The following KLHL29 variants were observed in gnomAD, a reference collection of about 807,000 sequenced individuals.
KLHL29 encodes kelch like family member 29.
In KLHL29, 21 loss-of-function variants were observed where a neutral mutation model predicts 80.4. The ratio of observed to expected loss-of-function variants is 0.26; its 90% CI spans 0.19 to 0.38. The LOEUF is 0.38. Among genes scored for constraint, KLHL29 ranks in the 10% least tolerant of loss-of-function variants. KLHL29 has a pLI of 1.00. For missense variants in KLHL29, 867 were observed against 1,223.9 expected (o/e 0.71, Z 4.35); for synonymous variants, 511 against 526.8 (o/e 0.97, Z 0.41).
intron 1 of KLHL29, among the ~76,000 whole-genome samples, chr2:23,423,444 C>A (rs1662903544): frequency 6.6e-6 from 1 of 152,260 alleles, no homozygotes; most frequent in Admixed American, 6.5e-5. Context: ...CATTTGCATT[C>A]AAATCCTCTC....
At chr2:23,701,619 G>T (rs1208036239) in intron 11 of KLHL29, among the ~76,000 whole-genome samples, 1 of 151,966 alleles carries the variant, frequency 6.6e-6, no homozygotes, top group Non-Finnish European at 1.5e-5. Context: ...AGGCTGAGGT[G>T]GGAGAATTGT....
intron 1 of KLHL29, among the ~76,000 whole-genome samples, chr2:23,444,417 C>T (rs796229810): frequency 1.3e-5 from 2 of 152,280 alleles, no homozygotes; most frequent in East Asian, 1.9e-4. Context: ...CTCCGCCTCT[C>T]GGGTTCAAGC....
chr2:23,399,356 G>C, intron 1 of KLHL29, among the ~76,000 whole-genome samples: 1 of 152,180 alleles, frequency 6.6e-6, no homozygotes, highest in South Asian at 2.1e-4. Context: ...CCACTGAACT[G>C]TACATTTAAA....
At chr2:23,396,961 A>G (rs569783287) in intron 1 of KLHL29, among the ~76,000 whole-genome samples, 3 of 152,152 alleles carry the variant, frequency 2.0e-5, no homozygotes, top group East Asian at 1.9e-4. Flanking sequence ...TTCTCTGTAT[A>G]AGGTCACCAC....
intron 3 of KLHL29, among the ~76,000 whole-genome samples, chr2:23,607,382 C>T (rs1668754234): frequency 6.6e-6 from 1 of 152,122 alleles, no homozygotes; most frequent in African/African-American, 2.4e-5. Flanking sequence ...GCTGGGAATG[C>T]CAAAGGGAAG....
In KLHL29 at chr2:23,682,427, C is replaced by T. The variant is rs143349936; in HGVS notation, c.941-1972C>T. ...CTTCGAGGCTCAACTCTCTGCACGG[C>T]GCTATCTTGCCTCCCATTGGCCTCC... On this transcript the variant is annotated intron_variant, in intron 5 of 13. Transcript: ENST00000486442. This position sits in a 1 kb window ranked among gnomAD's most constrained non-coding sequence, Gnocchi z 4.1. Among the ~76,000 whole-genome samples, 454 of 152,304 alleles carry T rather than the reference C, an allele frequency of 3.0e-3. 2 individuals carry two copies. In the Middle Eastern group the frequency reaches 0.031, roughly 10 times the overall value.
chr2:23,559,860 G>A (rs1667405320), intron 2 of KLHL29, among the ~76,000 whole-genome samples: 1 of 152,062 alleles, frequency 6.6e-6, no homozygotes, highest in South Asian at 2.1e-4. Flanking sequence ...AGGAGCCCCA[G>A]CTTTTTAAGA....
At chr2:23,658,471 C>T (rs1670307445) in intron 5 of KLHL29, among the ~76,000 whole-genome samples, 1 of 152,206 alleles carries the variant, frequency 6.6e-6, no homozygotes, top group Admixed American at 6.5e-5. Context: ...CAGAAGCACC[C>T]CCCAGCTGCT....
intron 2 of KLHL29, among the ~76,000 whole-genome samples, chr2:23,485,811 A>G (rs1664919400): frequency 6.6e-6 from 1 of 152,138 alleles, no homozygotes; most frequent in African/African-American, 2.4e-5. Context: ...CAGTTTCTTC[A>G]TGTGCAAAAT....
intron 3 of KLHL29, among the ~76,000 whole-genome samples, chr2:23,580,707 G>A (rs1313750285): frequency 1.1e-3 from 85 of 76,932 alleles, no homozygotes; most frequent in African/African-American, 2.6e-3. Flanking sequence ...GGCCAGGCGC[G>A]GTGGCTCACA....
chr2:23,597,399 ATATATATATTTTTTTTTTTTTTT>A, intron 3 of KLHL29, among the ~76,000 whole-genome samples: 1 of 79,734 alleles, frequency 1.3e-5, no homozygotes, highest in African/African-American at 5.1e-5. Flanking sequence ...ATATATATAT[ATATATATATTTTTTTTTTTTTTT>A]TTTTTTTTTT....
At chr2:23,548,802 A>T (rs17498513) in intron 2 of KLHL29, among the ~76,000 whole-genome samples, 17,971 of 152,244 alleles carry the variant, frequency 0.12, 1,370 homozygotes, top group Middle Eastern at 0.25. Context: ...AACCATCATT[A>T]TTTTTAAGCG....
chr2:23,481,176 G>T (rs1664787524), intron 2 of KLHL29, among the ~76,000 whole-genome samples: 1 of 152,214 alleles, frequency 6.6e-6, no homozygotes, highest in Admixed American at 6.5e-5. Flanking sequence ...CTGGATTTTT[G>T]TAAAGCTCCC....
At chr2:23,642,887 C>A in intron 5 of KLHL29, 37 bp downstream of exon 5, 1 of 1,549,220 alleles carries the variant, frequency 6.5e-7, no homozygotes, top group Non-Finnish European at 8.7e-7. Flanking sequence ...CACGGGCCTG[C>A]GTCTGCACCT....
intron 2 of KLHL29, among the ~76,000 whole-genome samples, chr2:23,492,908 C>T (rs530250808): frequency 2.6e-5 from 4 of 152,232 alleles, no homozygotes; most frequent in East Asian, 3.9e-4. Flanking sequence ...AGGAAAGGCA[C>T]GGGTGTCTGA....
intron 5 of KLHL29, among the ~76,000 whole-genome samples, chr2:23,673,949 A>G (rs935497698): frequency 6.6e-6 from 1 of 152,156 alleles, no homozygotes; most frequent in Non-Finnish European, 1.5e-5. Context: ...TGCCAGCCAC[A>G]CCAGTGACCT....
chr2:23,670,917 GCTCTCTCTCTCTCTCTCTCTCTCTCT>G (rs1553353334), intron 5 of KLHL29, among the ~76,000 whole-genome samples: 3 of 18,568 alleles, frequency 1.6e-4, no homozygotes, highest in South Asian at 3.1e-3. Context: ...ACATGCACGC[GCTCTCTCTCTCTCTCTCTCTCTCTCT>G]CTCTCTCTCT....
At chr2:23,413,525 C>T (rs372886783) in intron 1 of KLHL29, among the ~76,000 whole-genome samples, 24 of 152,172 alleles carry the variant, frequency 1.6e-4, no homozygotes, top group African/African-American at 5.1e-4. Flanking sequence ...ACTATCCGCT[C>T]ATTTATTAAG....
intron 1 of KLHL29, among the ~76,000 whole-genome samples, chr2:23,461,720 TG>T (rs951101183): frequency 2.3e-5 from 1 of 42,910 alleles, no homozygotes; most frequent in Non-Finnish European, 4.8e-5. Flanking sequence ...TTATCTTTGC[TG>T]GGGGGGCAGG....
Sources: allele counts gnomAD v4.1 joint callset (sites outside exome capture counted in the v4.1 genomes callset), GRCh38; gene constraint gnomAD v4.1.1; non-coding constraint Gnocchi (gnomAD v3.1); transcripts MANE v1.5; gene names NCBI Gene and HGNC (gene_info 2026-07-23, HGNC 2026-07-21).